Variants in ZNF534 observed in about 807,000 individuals in gnomAD.
ZNF534 encodes the protein zinc finger protein 534.
Under a neutral mutation model 13.6 loss-of-function variants are expected in ZNF534, and 19 were observed. The ratio of observed to expected loss-of-function variants is 1.40; its 90% confidence interval spans 0.97 to 2.05. The LOEUF is 2.05. Among genes scored for constraint, ZNF534 ranks in the 30% most tolerant of loss-of-function variants. The probability of loss-of-function intolerance (pLI) is 0.00; values close to 1 mark genes in which losing one functional copy is unlikely to be tolerated. For synonymous variants in ZNF534, 244 were observed against 273.8 expected, an observed-to-expected ratio of 0.89 and a Z score of 1.07; for missense variants, 782 against 796.3, an observed-to-expected ratio of 0.98 and a Z score of 0.22.
exon 5 of ZNF534, chr19:52,451,690 G>A (rs2059217628): frequency 1.5e-6 from 1 of 669,810 alleles, no homozygotes; most frequent in South Asian, 1.8e-5. Flanking sequence ...GTTATGGAGA[G>A]TAGCTCCAAG....
rs755401673 is a variant in ZNF534, at chr19:52,437,872, T to C, written c.412T>C (p.Ser138Pro). Residue 138 changes from serine to proline, a missense_variant, in exon 5 of 5, where the codon TCT becomes CCT. By Grantham distance (74) the Ser-to-Pro change is moderately conservative (BLOSUM62 -1). Transcript: ENST00000433050. The stretch of plus-strand genomic sequence containing the variant: ...TTATGGATGTAAGCATGTTGAGAAA[T>C]CTATCAGTGACAATTCTTCAGTTTC... ...NIYGCKHVEK[S>P]ISDNSSVSPV... 84 of 1,613,664 alleles carry C rather than the reference T, an allele frequency of 5.2e-5. No homozygotes were observed. Among genetic ancestry groups the C allele is most frequent in the Non-Finnish European group, 6.1e-5 (72 of 1,179,830 alleles).
In ZNF534 at chr19:52,451,420, C is replaced by T. The variant is rs777614250; in HGVS notation, c.505C>T (p.Arg169Trp). ...GACTCTCAGGGCCGGGCCCGCCCCT[C>T]GGCCGCGCAGTGCGGCGCCGCACGC... The change falls in exon 5 of 5, where the codon CGG (arginine) becomes TGG (tryptophan). Residue 169 changes from arginine to tryptophan, a missense_variant. Coordinates refer to the ZNF534 transcript ENST00000301085. 16 of 719,818 alleles carry T rather than the reference C, an allele frequency of 2.2e-5. 1 individual carries two copies. The highest frequency in any genetic ancestry group is 3.0e-5 in the South Asian group (2 of 65,626). The allele number at this position is 719,818 out of a possible 1,614,324, so 44.6% of individuals were successfully genotyped here.
intron 3 of ZNF534, 145 bp downstream of exon 3, chr19:52,434,226 T>C (rs1430054494): frequency 8.0e-7 from 1 of 1,253,236 alleles, no homozygotes; most frequent in Non-Finnish European, 1.1e-6. Context: ...CCAGGCGCAG[T>C]GGCTCACGCC....
chr19:52,433,338 T>A (rs1381407657), intron 2 of ZNF534, among the ~76,000 whole-genome samples: 1 of 148,508 alleles, frequency 6.7e-6, no homozygotes, highest in Non-Finnish European at 1.5e-5. Flanking sequence ...TCACTTGATG[T>A]GTCAAAAATA....
In ZNF534 at chr19:52,438,907, C is replaced by T. The variant is rs754618531; in HGVS notation, c.1447C>T (p.Arg483Ter). ...KVFSQNSNLQ[R>*]HRKIHTGEKL... ...CTTCAGTCAGAATTCAAACCTTCAA[C>T]GACATAGGAAAATTCATACTGGAGA... is the stretch of plus-strand genomic sequence containing the variant. The change falls in exon 5 of 5, where the codon CGA becomes TGA. Residue 483 changes from arginine to a stop codon, truncating the protein, a stop_gained. Transcript: ENST00000433050. LOFTEE classifies it low-confidence loss of function (END_TRUNC). The T allele has an allele frequency of 1.6e-5, 26 of 1,587,506 alleles. No homozygotes were observed. The highest frequency in any genetic ancestry group is 6.8e-5 in the South Asian group (6 of 88,666).
In ZNF534 at chr19:52,431,637, A is replaced by C. The variant is rs549151123; in HGVS notation, c.15+148A>C. On this transcript the variant is annotated intron_variant, in intron 2 of 4. Coordinates refer to ENST00000433050, the MANE Select transcript of ZNF534 (RefSeq NM_001143938.3). ...GCTTCTTCCAGTCCCTTTCACTTCC[A>C]CTTAAGATTCCAGTTCCCTATGACC... is the stretch of plus-strand genomic sequence containing the variant. The C allele has an allele frequency of 1.6e-4, 175 of 1,081,438 alleles. 1 individual carries two copies. In the South Asian group the frequency reaches 2.4e-3, roughly 15 times the overall value. The allele number at this position is 1,081,438 out of a possible 1,614,324, so 67.0% of individuals were successfully genotyped here.
exon 5 of ZNF534, chr19:52,451,832 A>C: frequency 1.3e-6 from 1 of 795,666 alleles, no homozygotes; most frequent in Non-Finnish European, 2.1e-6. Context: ...AGGTGATCGA[A>C]TTGCACAGCT....
In ZNF534 at chr19:52,441,020, AC is replaced by A. The variant is rs975702810; in HGVS notation, c.*1576del. On this transcript the variant is annotated 3_prime_UTR_variant, in exon 5 of 5. Coordinates refer to ENST00000433050, the MANE Select transcript of ZNF534 (RefSeq NM_001143938.3). Reference sequence around the variant, plus strand: ...AGGTTCAAGCAATTCTCCTGCCTCTACCTCCCGAGTAGCTAGGACTACAAGC... The same window carrying A: ...AGGTTCAAGCAATTCTCCTGCCTCTACTCCCGAGTAGCTAGGACTACAAGC... Among the ~76,000 whole-genome samples the A allele has an allele frequency of 1.1e-4, 16 of 151,408 alleles. No homozygotes were observed. Among genetic ancestry groups the A allele is most frequent in the South Asian group, 2.1e-4 (1 of 4,818 alleles).
In ZNF534 at chr19:52,451,333, GT is replaced by G; in HGVS notation, c.421del (p.Ser141LeufsTer119). ...CCTCGCTCTGCTACCATTTCCTTCC[GT>G]TTCTGCTTCGCTTGGCGATGCAAAA... On this transcript the variant is annotated frameshift_variant, in exon 5 of 5. Transcript: ENST00000301085. LOFTEE classifies it low-confidence loss of function (END_TRUNC). 1 of 1,115,644 alleles carries G rather than the reference GT, an allele frequency of 9.0e-7. No individual in the cohort carries two copies. Among genetic ancestry groups the G allele is most frequent in the Non-Finnish European group, 1.3e-6 (1 of 746,852 alleles). 69.1% of individuals were successfully genotyped at this position (1,115,644 alleles called of 1,614,324 possible).
At chr19:52,430,806 A>C (rs1028091139) in intron 1 of ZNF534, among the ~76,000 whole-genome samples, 1 of 151,172 alleles carries the variant, frequency 6.6e-6, no homozygotes, top group Non-Finnish European at 1.5e-5. Context: ...TTGGCCTCTC[A>C]AAGTGCTGGG....
At chr19:52,451,833 T>C in exon 5 of ZNF534, 1 of 793,590 alleles carries the variant, frequency 1.3e-6, no homozygotes, top group East Asian at 3.1e-5. Flanking sequence ...GGTGATCGAA[T>C]TGCACAGCTC....
In ZNF534 at chr19:52,441,933, T is replaced by C. The variant is rs1198525244; in HGVS notation, c.*2487T>C. Among the ~76,000 whole-genome samples, 2 of 152,196 alleles carry C rather than the reference T, an allele frequency of 1.3e-5. No individual in the cohort carries two copies. Among genetic ancestry groups the C allele is most frequent in the Admixed American group, 1.3e-4 (2 of 15,278 alleles). On this transcript the variant is annotated 3_prime_UTR_variant, in exon 5 of 5. Coordinates refer to ENST00000433050, the MANE Select transcript of ZNF534 (RefSeq NM_001143938.3). ...TCCTTACAAGCTGTGTACGGAAAGC[T>C]CGTCATGAGTTTTAGCATTAATGAA...
rs2608497 is a variant in ZNF534 at position 52,438,906 on chromosome 19, A to G, written c.1446A>G (p.Gln482=). The change falls in exon 5 of 5, where the codon CAA becomes CAG. Residue 482 remains glutamine (Q), a synonymous_variant. Transcript: ENST00000433050. ...TCTTCAGTCAGAATTCAAACCTTCA[A>G]CGACATAGGAAAATTCATACTGGAG... ...GKVFSQNSNL[Q]RHRKIHTGEK... is the part of the protein sequence containing the mutation. 0.94 allele frequency: 1,515,852 copies of G among 1,607,348 alleles called. 717,891 individuals are homozygous for G. Among genetic ancestry groups the G allele is most frequent in the Non-Finnish European group, 0.97 (1,137,791 of 1,176,756 alleles).
downstream of ZNF534, among the ~76,000 whole-genome samples, chr19:52,445,717 ATT>A (rs2059192295): frequency 1.0e-4 from 1 of 9,908 alleles, no homozygotes; most frequent in Non-Finnish European, 2.6e-4. Context: ...TGGCTTCCTA[ATT>A]TACTCTTGCA....
Position 52,439,287 on chromosome 19 carries a change from T to C in ZNF534, c.1827T>C (p.Asn609=), listed in dbSNP as rs1316554073. 5 of 1,564,482 alleles carry C rather than the reference T, an allele frequency of 3.2e-6. No individual in the cohort carries two copies. The highest frequency in any genetic ancestry group is 3.8e-5 in the Admixed American group (2 of 52,210). Residue 609 remains asparagine (N), a synonymous_variant, in exon 5 of 5, where the codon AAT becomes AAC. Transcript: ENST00000433050. ...IHTGEKLYKC[N]ECSKVFSRNS... ...CTGGAGAGAAGCTTTACAAATGTAA[T>C]GAATGTAGCAAGGTCTTCAGTCGGA...
downstream of ZNF534, among the ~76,000 whole-genome samples, chr19:52,443,242 T>A (rs1047071059): frequency 6.6e-6 from 1 of 152,170 alleles, no homozygotes; most frequent in Non-Finnish European, 1.5e-5. Flanking sequence ...TAGGTGATTA[T>A]CTTTTTGCGA....
rs1192653641 is a variant in ZNF534 at position 52,442,339 on chromosome 19, A to G, written c.*2893A>G. Reference sequence around the variant, plus strand: ...AAGGCGTTCCAGAACCACAAATAATAGCATGTGCATTCTGTGCCTTAAGGA... The same window carrying G: ...AAGGCGTTCCAGAACCACAAATAATGGCATGTGCATTCTGTGCCTTAAGGA... On this transcript the variant is annotated 3_prime_UTR_variant, in exon 5 of 5. Transcript: ENST00000433050. Among the ~76,000 whole-genome samples, 2 of 152,252 alleles carry G rather than the reference A, an allele frequency of 1.3e-5. No individual in the cohort carries two copies. The highest frequency in any genetic ancestry group is 3.8e-4 in the East Asian group (2 of 5,196).
chr19:52,437,569 A>G (rs549828959), intron 4 of ZNF534, among the ~76,000 whole-genome samples, 163 bp from the exon 5 acceptor site: 1 of 152,302 alleles, frequency 6.6e-6, no homozygotes, highest in South Asian at 2.1e-4. Flanking sequence ...CAATCACACC[A>G]TTGCACTCCA....
In ZNF534 at chr19:52,435,210, G is replaced by T; in HGVS notation, c.271+1G>T. ...GAGTGCATCAAAGGTGTGAACACAG[G>T]TGAGAGCTCAGGTGGGCAGAGTGGA... On this transcript the variant is annotated splice_donor_variant, in intron 4 of 4. Transcript: ENST00000433050. LOFTEE classifies it high-confidence loss of function. 1 of 1,606,458 alleles carries T rather than the reference G, an allele frequency of 6.2e-7. No individual in the cohort carries two copies. Among genetic ancestry groups the T allele is most frequent in the Non-Finnish European group, 8.5e-7 (1 of 1,176,780 alleles).
Sources: allele counts gnomAD v4.1 joint callset (sites outside exome capture counted in the v4.1 genomes callset), GRCh38; gene constraint gnomAD v4.1.1; transcripts MANE v1.5; gene names NCBI Gene and HGNC (gene_info 2026-07-23, HGNC 2026-07-21).